MAML3: variants seen among roughly 807,000 people sequenced by gnomAD.
The protein encoded by MAML3 is mastermind like transcriptional coactivator 3.
In MAML3, 27 loss-of-function variants were observed where a neutral mutation model predicts 101.9. The observed-to-expected ratio is 0.27, with a 90% CI of 0.20 to 0.37. The LOEUF is 0.37. Among genes scored for constraint, MAML3 ranks in the 10% least tolerant of loss-of-function variants. The pLI, the probability that MAML3 is intolerant of heterozygous loss-of-function variation, is 1.00. For synonymous variants in MAML3, 501 were observed against 555.9 expected (o/e 0.90, Z 1.39); for missense variants, 1,316 against 1,444.9 (o/e 0.91, Z 1.45).
chr4:139,858,293 T>C (rs1215500637), intron 2 of MAML3, among the ~76,000 whole-genome samples: 2 of 152,206 alleles, frequency 1.3e-5, no homozygotes, highest in East Asian at 1.9e-4. Context: ...AAGATCTTTT[T>C]AGATCTCCAT....
At chr4:140,145,256 T>C (rs916017257) in intron 1 of MAML3, among the ~76,000 whole-genome samples, 1 of 152,116 alleles carries the variant, frequency 6.6e-6, no homozygotes, top group African/African-American at 2.4e-5. Flanking sequence ...GGAGGGTCCA[T>C]AAACATGAAA....
At chr4:140,128,291 A>G (rs1728716513) in intron 1 of MAML3, among the ~76,000 whole-genome samples, 1 of 152,226 alleles carries the variant, frequency 6.6e-6, no homozygotes, top group African/African-American at 2.4e-5. Context: ...AGGTTTGAGA[A>G]GAGTTTAGAT....
At chr4:139,749,291 A>G (rs1298619954) in intron 2 of MAML3, among the ~76,000 whole-genome samples, 1 of 152,234 alleles carries the variant, frequency 6.6e-6, no homozygotes, top group Admixed American at 6.5e-5. Flanking sequence ...CATGAAATAT[A>G]TATTAAATGC....
intron 1 of MAML3, among the ~76,000 whole-genome samples, chr4:140,108,673 C>T (rs935124059): frequency 6.6e-6 from 1 of 151,212 alleles, no homozygotes; most frequent in Non-Finnish European, 1.5e-5. Context: ...TATGTTCAAT[C>T]CATGTGTGGT....
chr4:139,763,969 A>T (rs1259151560), intron 2 of MAML3, among the ~76,000 whole-genome samples: 1 of 152,152 alleles, frequency 6.6e-6, no homozygotes, highest in Non-Finnish European at 1.5e-5. Flanking sequence ...CCTTTTCTCA[A>T]CCCACAAGAA....
intron 1 of MAML3, among the ~76,000 whole-genome samples, chr4:139,977,031 AGGGCAGAGCCTCATGAATGGGATTT>A (rs1734351962): frequency 6.6e-6 from 1 of 152,134 alleles, no homozygotes; most frequent in Non-Finnish European, 1.5e-5. Flanking sequence ...TCAGGTCGTA[AGGGCAGAGCCTCATGAATGGGATTT>A]GCCCTTATAA....
chr4:140,038,896 T>TGAGGTGGGCAGATCAC (rs1398067068), intron 1 of MAML3, among the ~76,000 whole-genome samples: 5 of 152,058 alleles, frequency 3.3e-5, no homozygotes, highest in Non-Finnish European at 7.4e-5. Flanking sequence ...TTTGGGAGGC[T>TGAGGTGGGCAGATCAC]GAGGTGGGCA....
intron 1 of MAML3, among the ~76,000 whole-genome samples, chr4:139,980,578 A>G (rs896313222): frequency 6.6e-6 from 1 of 152,172 alleles, no homozygotes; most frequent in Non-Finnish European, 1.5e-5. Context: ...AAGACTCATA[A>G]AGGTGCTTTT....
intron 2 of MAML3, among the ~76,000 whole-genome samples, chr4:139,827,953 T>C (rs1478609890): frequency 1.3e-5 from 2 of 152,240 alleles, no homozygotes; most frequent in African/African-American, 4.8e-5. Context: ...GTGTCAACTC[T>C]TGAAAAAGTG....
intron 1 of MAML3, among the ~76,000 whole-genome samples, chr4:140,028,424 T>C (rs1726859840): frequency 6.6e-6 from 1 of 152,158 alleles, no homozygotes; most frequent in Non-Finnish European, 1.5e-5. Context: ...TGTCTGTCTG[T>C]TTCTCTCTCT....
At chr4:139,787,140 T>C (rs150858889) in intron 2 of MAML3, among the ~76,000 whole-genome samples, 24 of 152,372 alleles carry the variant, frequency 1.6e-4, no homozygotes, top group African/African-American at 5.5e-4. Context: ...TGAACCTTCC[T>C]CGTTCTGCAG....
At chr4:139,809,305 G>A (rs772621701) in intron 2 of MAML3, among the ~76,000 whole-genome samples, 8 of 152,198 alleles carry the variant, frequency 5.3e-5, no homozygotes, top group Non-Finnish European at 8.8e-5. Flanking sequence ...GGAAGGAGAG[G>A]TTTCTTTCTT....
At chr4:139,927,629 A>G (rs1297480297) in intron 1 of MAML3, among the ~76,000 whole-genome samples, 2 of 152,200 alleles carry the variant, frequency 1.3e-5, no homozygotes, top group Non-Finnish European at 2.9e-5. Flanking sequence ...ATGTATTCTT[A>G]AAATTATTTA....
chr4:139,902,682 C>G (rs1184929736), intron 1 of MAML3, among the ~76,000 whole-genome samples: 3 of 152,204 alleles, frequency 2.0e-5, no homozygotes, highest in African/African-American at 7.2e-5. Flanking sequence ...GGCGGCAGAG[C>G]TTTCATCTGT....
intron 1 of MAML3, among the ~76,000 whole-genome samples, chr4:140,071,193 C>T (rs993137937): frequency 3.9e-5 from 6 of 152,172 alleles, no homozygotes; most frequent in African/African-American, 7.2e-5. Flanking sequence ...CTGCTGCAGA[C>T]GACCCATGTG....
At chr4:139,973,433 A>G (rs1037675194) in intron 1 of MAML3, among the ~76,000 whole-genome samples, 18 of 152,204 alleles carry the variant, frequency 1.2e-4, no homozygotes, top group Admixed American at 9.8e-4. Flanking sequence ...AAAACACTGG[A>G]AAGTCATTAT....
intron 2 of MAML3, among the ~76,000 whole-genome samples, chr4:139,779,248 G>A (rs1317697925): frequency 6.6e-6 from 1 of 152,110 alleles, no homozygotes; most frequent in African/African-American, 2.4e-5. Context: ...CTTTGGGGGG[G>A]CTCTATAAAT....
intron 1 of MAML3, among the ~76,000 whole-genome samples, chr4:139,998,108 C>G (rs1197496038): frequency 6.6e-6 from 1 of 152,068 alleles, no homozygotes; most frequent in Non-Finnish European, 1.5e-5. Context: ...TCTGTCTTCT[C>G]ATTCTAGGAT....
intron 2 of MAML3, among the ~76,000 whole-genome samples, chr4:139,850,611 G>A (rs1731530625): frequency 6.6e-6 from 1 of 151,228 alleles, no homozygotes; most frequent in African/African-American, 2.4e-5. Context: ...TCGGCTCACT[G>A]CAACCTCTGC....
Sources: gnomAD v4.1 joint callset for allele counts (sites outside exome capture counted in the v4.1 genomes callset) on GRCh38, gnomAD v4.1.1 for gene constraint, MANE v1.5 for transcripts, NCBI Gene and HGNC (gene_info 2026-07-23, HGNC 2026-07-21) for gene names.